The following BPTF variants were observed in gnomAD, a reference collection of about 807,000 sequenced individuals.
BPTF encodes the protein bromodomain PHD finger transcription factor.
A neutral mutation model predicts 292.5 loss-of-function variants in BPTF; 18 were observed. The observed-to-expected ratio is 0.06, with a 90% CI of 0.04 to 0.09. The LOEUF (loss-of-function observed/expected upper bound fraction) is 0.09, where lower values mean the gene tolerates loss of function less well. Ranked by LOEUF, BPTF falls within the 10% of genes least tolerant of loss-of-function variation. The probability of loss-of-function intolerance (pLI) is 1.00; values close to 1 mark genes in which losing one functional copy is unlikely to be tolerated. For missense variants in BPTF, 2,726 were observed against 3,498.7 expected (o/e 0.78, Z 5.57); for synonymous variants, 1,225 against 1,251.9 (o/e 0.98, Z 0.45).
intron 1 of BPTF, among the ~76,000 whole-genome samples, chr17:67,831,834 C>T (rs530700313): frequency 3.3e-5 from 5 of 152,194 alleles, no homozygotes; most frequent in South Asian, 4.2e-4. Flanking sequence ...TCTTTGAGTG[C>T]CTGCTTACGG....
rs547551172 is a variant in BPTF, at chr17:67,908,305, C to T, written c.2813-1277C>T. Among the ~76,000 whole-genome samples the T allele has an allele frequency of 3.1e-4, 47 of 152,002 alleles. 1 individual carries two copies. In the East Asian group the frequency reaches 6.0e-3, roughly 19 times the overall value. On this transcript the variant is annotated intron_variant, in intron 9 of 27. Transcript: ENST00000306378. Reference sequence around the variant, plus strand: ...TCCCAAGTAGCTGGGACTACAGGCTCGTACCACCATGACTGGCTAATTTTT... The same window carrying T: ...TCCCAAGTAGCTGGGACTACAGGCTTGTACCACCATGACTGGCTAATTTTT...
chr17:67,855,241 C>T (rs2058620895), intron 2 of BPTF, among the ~76,000 whole-genome samples: 1 of 152,152 alleles, frequency 6.6e-6, no homozygotes, highest in Admixed American at 6.5e-5. Flanking sequence ...GCAGGGGCTG[C>T]AGTGAGCTGA....
At chr17:67,919,922 C>T in intron 12 of BPTF, 93 bp from the exon 13 acceptor site, 1 of 1,256,066 alleles carries the variant, frequency 8.0e-7, no homozygotes, top group Non-Finnish European at 1.1e-6. Flanking sequence ...AAGTTTATTC[C>T]ACGTGTGTCT....
chr17:67,826,587 C>A (rs1012550770), intron 1 of BPTF, among the ~76,000 whole-genome samples: 1 of 148,154 alleles, frequency 6.7e-6, no homozygotes, highest in South Asian at 2.2e-4. Flanking sequence ...CTCTCCCCCC[C>A]CCAACCCCCT....
At chr17:67,849,285 A>G (rs1057008054) in intron 1 of BPTF, among the ~76,000 whole-genome samples, 1 of 152,132 alleles carries the variant, frequency 6.6e-6, no homozygotes. Flanking sequence ...CTGCACCTCC[A>G]TTTCAGGGCA....
At chr17:67,932,128 T>G (rs2064450297) in intron 18 of BPTF, 109 bp downstream of exon 18, 2 of 866,996 alleles carry the variant, frequency 2.3e-6, no homozygotes, top group Admixed American at 2.8e-5. Context: ...TAATTAGTAC[T>G]TCAAAGCATA....
intron 1 of BPTF, among the ~76,000 whole-genome samples, chr17:67,837,451 A>G (rs1421906383): frequency 6.6e-6 from 1 of 150,596 alleles, no homozygotes. Context: ...TCTGTCGCCC[A>G]GGCTGGAGTG....
At chr17:67,897,026 A>G (rs1240766435) in intron 7 of BPTF, among the ~76,000 whole-genome samples, 1 of 152,050 alleles carries the variant, frequency 6.6e-6, no homozygotes, top group Non-Finnish European at 1.5e-5. Flanking sequence ...CAAATAACCA[A>G]TATCAAGAAT....
At chr17:67,857,744 G>C (rs1239847907) in intron 2 of BPTF, among the ~76,000 whole-genome samples, 1 of 151,432 alleles carries the variant, frequency 6.6e-6, no homozygotes. Context: ...TGGGATTATA[G>C]GCGTGAGCCA....
intron 24 of BPTF, chr17:67,963,281 A>G (rs1173093168): frequency 3.4e-6 from 5 of 1,467,550 alleles, no homozygotes; most frequent in Non-Finnish European, 4.5e-6. Context: ...TTTAAGTACC[A>G]TGCAGCTCAA....
At chr17:67,843,506 C>A (rs913565656) in intron 1 of BPTF, among the ~76,000 whole-genome samples, 2 of 148,720 alleles carry the variant, frequency 1.3e-5, no homozygotes, top group Non-Finnish European at 3.0e-5. Flanking sequence ...TTACATGAGA[C>A]TTTGAATGTA....
chr17:67,896,427 G>T (rs1466757626), intron 7 of BPTF, among the ~76,000 whole-genome samples: 1 of 151,850 alleles, frequency 6.6e-6, no homozygotes, highest in Middle Eastern at 3.4e-3. Context: ...ATTACCTGTT[G>T]GGTACAGTGT....
rs529152322 is a variant in BPTF, at chr17:67,939,727, A to G, written c.6260-712A>G. On this transcript the variant is annotated intron_variant, in intron 18 of 27. Transcript: ENST00000306378. ...CCCATCTCTATTAAAACAAATACAAAAAATTAGTCGGGTGTGGTGGGACAT... is the reference window on the plus strand; with the variant it reads ...CCCATCTCTATTAAAACAAATACAAGAAATTAGTCGGGTGTGGTGGGACAT... Among the ~76,000 whole-genome samples the G allele has an allele frequency of 4.6e-5, 7 of 152,308 alleles. No individual in the cohort carries two copies. The East Asian group carries it at 1.4e-3, about 29-fold the overall frequency.
intron 7 of BPTF, among the ~76,000 whole-genome samples, chr17:67,896,483 C>T (rs1397476622): frequency 1.3e-5 from 2 of 150,226 alleles, no homozygotes; most frequent in Admixed American, 6.7e-5. Flanking sequence ...CCCCAGTGCA[C>T]ATAGACCCCT....
At chr17:67,977,636 G>A (rs1293031056) in intron 27 of BPTF, 1 of 151,786 alleles carries the variant, frequency 6.6e-6, no homozygotes, top group East Asian at 2.0e-4. Flanking sequence ...GAGGTCAGGA[G>A]ATGGAGACCA....
chr17:67,966,765 ATTGG>A, intron 26 of BPTF, 109 bp downstream of exon 26: 1 of 968,184 alleles, frequency 1.0e-6, no homozygotes, highest in East Asian at 3.0e-5. Flanking sequence ...GGGGGTATAA[ATTGG>A]TATGGTCACT....
rs2058589474 is a variant in BPTF, at chr17:67,854,692, A to G, written c.1366A>G (p.Ile456Val). 3 of 1,614,222 alleles carry G rather than the reference A, an allele frequency of 1.9e-6. No individual in the cohort carries two copies. The highest frequency in any genetic ancestry group is 3.3e-4 in the Middle Eastern group (2 of 6,062). ...TGAAATCCAAAAAAATAAACCATAT[A>G]TTCGACATGAACCTATTGGATATGA... The part of the protein sequence containing the change: ...VAEIQKNKPY[I>V]RHEPIGYDRS... The change falls in exon 2 of 28, where the codon ATT becomes GTT. Residue 456 changes from isoleucine (I) to valine (V), a missense_variant. Ile to Val is a conservative substitution (Grantham distance 29). Coordinates refer to ENST00000306378, the MANE Select transcript of BPTF (RefSeq NM_182641.4). This position sits in a 1 kb window ranked among gnomAD's most constrained non-coding sequence, Gnocchi z 5.6.
intron 11 of BPTF, among the ~76,000 whole-genome samples, chr17:67,917,131 CTTTTTTTTTTT>C (rs943348736): frequency 9.5e-6 from 1 of 105,794 alleles, no homozygotes; most frequent in East Asian, 4.1e-4. Flanking sequence ...TGGTATTGTC[CTTTTTTTTTTT>C]TTTTTTTTGA....
intron 1 of BPTF, among the ~76,000 whole-genome samples, chr17:67,846,057 TC>T: frequency 6.6e-6 from 1 of 152,210 alleles, no homozygotes; most frequent in Middle Eastern, 3.2e-3. Context: ...CAAAATTTTT[TC>T]TTGAATATAG....
Sources: gnomAD v4.1 joint callset for allele counts (sites outside exome capture counted in the v4.1 genomes callset) on GRCh38, gnomAD v4.1.1 for gene constraint, Gnocchi (gnomAD v3.1) non-coding constraint, MANE v1.5 for transcripts, NCBI Gene and HGNC (gene_info 2026-07-23, HGNC 2026-07-21) for gene names.